The following BCHE variants were observed in gnomAD, a reference collection of about 807,000 sequenced individuals.
BCHE encodes the protein cholinesterase.
Under a neutral mutation model 51.3 loss-of-function variants are expected in BCHE, and 48 were observed. The ratio of observed to expected loss-of-function variants is 0.94; its 90% CI spans 0.74 to 1.19. BCHE has a LOEUF of 1.19. Among genes scored for constraint, BCHE ranks in the 50% most tolerant of loss-of-function variants. The pLI is 0.00. For synonymous variants in BCHE, 251 were observed against 238.0 expected (o/e 1.05, Z -0.50); for missense variants, 847 against 708.2 (o/e 1.20, Z -2.23).
At chr3:165,791,073 G>C (rs531174733) in intron 2 of BCHE, among the ~76,000 whole-genome samples, 155 of 152,098 alleles carry the variant, frequency 1.0e-3, no homozygotes, top group Non-Finnish European at 2.0e-3. Context: ...GAGGTGGGCA[G>C]GTCACGAGGT....
intron 3 of BCHE, among the ~76,000 whole-genome samples, chr3:165,781,795 T>C (rs1383084022): frequency 1.3e-5 from 2 of 152,074 alleles, no homozygotes; most frequent in Admixed American, 1.3e-4. Flanking sequence ...ACCAAATGGC[T>C]CAATATACAT....
chr3:165,813,620 A>T lies in BCHE; in HGVS notation c.1517+15897T>A, dbSNP rs1328655315. On this transcript the variant is annotated intron_variant, in intron 2 of 3. Transcript: ENST00000264381. ...TACTTCAAAATCTTTTCTAGTCCAG[A>T]AAAGAAGGAAAAAATGTTGAAACAC... is the stretch of plus-strand genomic sequence containing the variant. 4.6e-5 allele frequency among the ~76,000 whole-genome samples: 7 copies of T among 151,878 alleles called. No individual in the cohort carries two copies. The East Asian group carries it at 1.3e-3, about 29-fold the overall frequency.
chr3:165,805,994 AT>A (rs1191427125), intron 2 of BCHE, among the ~76,000 whole-genome samples: 1 of 151,952 alleles, frequency 6.6e-6, no homozygotes, highest in African/African-American at 2.4e-5. Context: ...AGTGTAGACC[AT>A]TTGTATTGCT....
chr3:165,793,712 T>C (rs1332153406), intron 2 of BCHE, among the ~76,000 whole-genome samples: 1 of 152,204 alleles, frequency 6.6e-6, no homozygotes, highest in Non-Finnish European at 1.5e-5. Flanking sequence ...CAGTAACTAT[T>C]TGTTGTGGCA....
In BCHE at chr3:165,791,948, AAAAATAAAAT is replaced by A. The variant is rs59363319; in HGVS notation, c.1518-5647_1518-5638del. On this transcript the variant is annotated intron_variant, in intron 2 of 3. Coordinates refer to ENST00000264381, the MANE Select transcript of BCHE (RefSeq NM_000055.4). The stretch of plus-strand genomic sequence containing the variant: ...GGTGACGGAGCGAGGCTCCATCTCA[AAAAATAAAAT>A]AAAATAAAATAAAATAAAATAAAAT... Among the ~76,000 whole-genome samples the A allele has an allele frequency of 5.6e-3, 761 of 135,608 alleles. 2 individuals carry two copies. Among genetic ancestry groups the A allele is most frequent in the Non-Finnish European group, 7.7e-3 (487 of 62,972 alleles). The allele number at this position is 135,608 out of a possible 152,430, so 89.0% of individuals were successfully genotyped here. A position where few individuals can be genotyped will look rare whatever the true frequency, so the allele number is the denominator to read the frequency against.
At chr3:165,806,528 C>G (rs1713872022) in intron 2 of BCHE, among the ~76,000 whole-genome samples, 1 of 152,172 alleles carries the variant, frequency 6.6e-6, no homozygotes, top group Admixed American at 6.5e-5. Flanking sequence ...TTCATACTGA[C>G]TCCATAGCAC....
At chr3:165,784,949 G>A (rs575682818) in intron 3 of BCHE, among the ~76,000 whole-genome samples, 1 of 151,840 alleles carries the variant, frequency 6.6e-6, no homozygotes, top group African/African-American at 2.4e-5. Context: ...AGGACAAAAG[G>A]ATGGCACTGT....
chr3:165,810,322 C>T (rs1291534246), intron 2 of BCHE, among the ~76,000 whole-genome samples: 2 of 151,996 alleles, frequency 1.3e-5, no homozygotes, highest in Admixed American at 6.6e-5. Flanking sequence ...CCATATTATC[C>T]CTCCTAGGAA....
chr3:165,802,106 G>A (rs548292648), intron 2 of BCHE, among the ~76,000 whole-genome samples: 3 of 152,302 alleles, frequency 2.0e-5, no homozygotes, highest in East Asian at 3.9e-4. Flanking sequence ...ACTGTATGCT[G>A]CATGGTTTGG....
intron 2 of BCHE, among the ~76,000 whole-genome samples, chr3:165,809,124 T>G (rs1464627453): frequency 6.6e-6 from 1 of 152,158 alleles, no homozygotes; most frequent in African/African-American, 2.4e-5. Context: ...ATTAAATTTT[T>G]TAATGGATAT....
At position 165,830,529 on chromosome 3, in the gene BCHE, C is replaced by T; in HGVS notation, c.505G>A (p.Val169Ile). The change falls in exon 2 of 4, where the codon GTA becomes ATA. Residue 169 changes from valine to isoleucine, a missense_variant. Transcript: ENST00000264381. The part of the protein sequence containing the change: ...KFLARVERVI[V>I]VSMNYRVGAL... ...CCCACCCTATAGTTCATTGACACTA[C>T]AATAACTCTTTCAACCCGAGCCAGA... The T allele has an allele frequency of 3.1e-6, 5 of 1,613,926 alleles. No individual in the cohort carries two copies. The highest frequency in any genetic ancestry group is 4.2e-6 in the Non-Finnish European group (5 of 1,179,940).
At chr3:165,827,476 C>T (rs1714770423) in intron 2 of BCHE, among the ~76,000 whole-genome samples, 1 of 150,822 alleles carries the variant, frequency 6.6e-6, no homozygotes, top group Non-Finnish European at 1.5e-5. Flanking sequence ...TTAAATAATC[C>T]TATTAAGTGT....
intron 3 of BCHE, among the ~76,000 whole-genome samples, chr3:165,774,141 GA>G (rs575723698): frequency 6.6e-6 from 1 of 151,672 alleles, no homozygotes; most frequent in Non-Finnish European, 1.5e-5. Flanking sequence ...ATAATGATAA[GA>G]AAAAAAGGTC....
chr3:165,821,217 T>A (rs1307086523), intron 2 of BCHE, among the ~76,000 whole-genome samples: 1 of 151,932 alleles, frequency 6.6e-6, no homozygotes, highest in Non-Finnish European at 1.5e-5. Flanking sequence ...TCTATAATAT[T>A]TATTAGTTGA....
chr3:165,777,195 G>A (rs1464306643), intron 3 of BCHE, among the ~76,000 whole-genome samples: 2 of 151,692 alleles, frequency 1.3e-5, no homozygotes, highest in East Asian at 3.9e-4. Context: ...AGAATTTCAT[G>A]CAACTTTATT....
rs1176725823 is a variant in BCHE, at chr3:165,830,910, T to C, written c.124A>G (p.Arg42Gly). ...CCAAAAACTGTCAAGTTCATCCCTCTGACTTTTCCATTCTTTGTTGCAATT... is the reference window on the plus strand; with the variant it reads ...CCAAAAACTGTCAAGTTCATCCCTCCGACTTTTCCATTCTTTGTTGCAATT... ...IIIATKNGKVRGMNLTVFGGT... is the reference protein window; with the variant it reads ...IIIATKNGKVGGMNLTVFGGT... The change falls in exon 2 of 4, where the codon AGA becomes GGA. Residue 42 changes from arginine to glycine, a missense_variant. By Grantham distance (125) the Arg-to-Gly change is moderately radical. Coordinates refer to ENST00000264381, the MANE Select transcript of BCHE (RefSeq NM_000055.4). The C allele has an allele frequency of 6.2e-7, 1 of 1,613,978 alleles. No homozygotes were observed. Among genetic ancestry groups the C allele is most frequent in the Admixed American group, 1.7e-5 (1 of 59,976 alleles).
chr3:165,778,654 T>C (rs1333918701), intron 3 of BCHE: 10 of 451,196 alleles, frequency 2.2e-5, no homozygotes, highest in South Asian at 1.6e-4. Flanking sequence ...TCCACTTCAC[T>C]GTGAGTAAGC....
chr3:165,792,682 C>T (rs1013937430), intron 2 of BCHE, among the ~76,000 whole-genome samples: 2 of 152,118 alleles, frequency 1.3e-5, no homozygotes, highest in East Asian at 1.9e-4. Context: ...AAATCGATTA[C>T]TAAGATAAAA....
intron 2 of BCHE, among the ~76,000 whole-genome samples, chr3:165,790,021 A>C (rs1393200523): frequency 1.3e-5 from 2 of 152,136 alleles, no homozygotes; most frequent in African/African-American, 4.8e-5. Flanking sequence ...TAAAATGAGG[A>C]CTGGGGATAA....
Sources: gnomAD v4.1 joint callset for allele counts (sites outside exome capture counted in the v4.1 genomes callset) on GRCh38, gnomAD v4.1.1 for gene constraint, MANE v1.5 for transcripts, NCBI Gene and HGNC (gene_info 2026-07-23, HGNC 2026-07-21) for gene names.